The following MAST4 variants were observed in gnomAD, a reference collection of about 807,000 sequenced individuals.
MAST4 encodes the protein microtubule-associated serine/threonine-protein kinase 4.
A neutral mutation model predicts 162.7 loss-of-function variants in MAST4; 89 were observed. That is an observed-to-expected ratio of 0.55 (90% CI 0.46 to 0.65). The LOEUF (loss-of-function observed/expected upper bound fraction) is 0.65. Ranked by LOEUF, MAST4 falls within the 30% of genes least tolerant of loss-of-function variation. MAST4 has a pLI of 0.00. For synonymous variants in MAST4, 1,479 were observed against 1,361.1 expected, an observed-to-expected ratio of 1.09 and a Z score of -1.91; for missense variants, 3,153 against 3,374.0, an observed-to-expected ratio of 0.93 and a Z score of 1.62.
intron 4 of MAST4, among the ~76,000 whole-genome samples, chr5:66,998,799 C>A (rs1581149809): frequency 6.6e-6 from 1 of 152,284 alleles, no homozygotes; most frequent in Non-Finnish European, 1.5e-5. Flanking sequence ...CTAATAGGGA[C>A]TGATAATGTG....
chr5:66,885,443 G>A (rs545058455), intron 3 of MAST4, among the ~76,000 whole-genome samples: 7 of 152,302 alleles, frequency 4.6e-5, no homozygotes, highest in African/African-American at 1.7e-4. Context: ...TTTTTCTCCT[G>A]TAATGTAATG....
At chr5:66,775,037 A>G (rs2591854) in intron 2 of MAST4, among the ~76,000 whole-genome samples, 2,403 of 73,858 alleles carry the variant, frequency 0.033, 87 homozygotes, top group East Asian at 0.3. Context: ...GTGTGTGTGT[A>G]TGTGTGTGTT....
Position 67,144,651 on chromosome 5 carries a change from C to T in MAST4, c.2731-18C>T. 1 of 1,611,016 alleles carries T rather than the reference C, an allele frequency of 6.2e-7. No individual in the cohort carries two copies. The highest frequency in any genetic ancestry group is 8.5e-7 in the Non-Finnish European group (1 of 1,178,722). On this transcript the variant is annotated intron_variant, in intron 21 of 28. Transcript: ENST00000403625. ...CTTTTTAGTAGATATTAATAAGCAC[C>T]AATTATTTGCCTTCCAGGTTTTCAG...
At chr5:66,656,286 ATGT>A (rs1580119274) in intron 1 of MAST4, among the ~76,000 whole-genome samples, 1 of 152,194 alleles carries the variant, frequency 6.6e-6, no homozygotes, top group East Asian at 1.9e-4. Context: ...AATAATATAA[ATGT>A]TGTCTCCACA....
chr5:66,659,106 G>T (rs938502918), intron 1 of MAST4, among the ~76,000 whole-genome samples: 2 of 152,152 alleles, frequency 1.3e-5, no homozygotes, highest in African/African-American at 4.8e-5. Context: ...GCCATGGATG[G>T]CATGTTGATG....
At chr5:66,926,060 G>C (rs1467661733) in intron 4 of MAST4, among the ~76,000 whole-genome samples, 1 of 151,770 alleles carries the variant, frequency 6.6e-6, no homozygotes, top group Admixed American at 6.6e-5. Flanking sequence ...CATCCATTTG[G>C]GCTTTTTGTC....
At chr5:67,157,452 C>G (rs4699894) in intron 26 of MAST4, among the ~76,000 whole-genome samples, 1 of 152,208 alleles carries the variant, frequency 6.6e-6, no homozygotes, top group Non-Finnish European at 1.5e-5. Context: ...TCACTGTTTT[C>G]TGATGATAAG....
chr5:66,937,424 G>T (rs1742869521), intron 4 of MAST4, among the ~76,000 whole-genome samples: 1 of 152,100 alleles, frequency 6.6e-6, no homozygotes, highest in Admixed American at 6.6e-5. Context: ...AAATGTTAAT[G>T]GTGTAATGGA....
At chr5:66,695,651 A>C (rs538469247) in intron 1 of MAST4, among the ~76,000 whole-genome samples, 27 of 152,310 alleles carry the variant, frequency 1.8e-4, no homozygotes, top group African/African-American at 5.8e-4. Context: ...TACAACAATG[A>C]GATACCATCT....
At chr5:66,661,758 C>T (rs1746926020) in intron 1 of MAST4, among the ~76,000 whole-genome samples, 1 of 152,058 alleles carries the variant, frequency 6.6e-6, no homozygotes, top group Non-Finnish European at 1.5e-5. Context: ...CTGTATTTGC[C>T]CTTCATAAGT....
chr5:66,824,837 CTAAACATAG>C (rs1409485597), intron 3 of MAST4, among the ~76,000 whole-genome samples: 1 of 152,062 alleles, frequency 6.6e-6, no homozygotes, highest in East Asian at 1.9e-4. Flanking sequence ...ATTTGTGTAT[CTAAACATAG>C]AAAACATACC....
intron 3 of MAST4, among the ~76,000 whole-genome samples, chr5:66,810,067 T>C (rs1009636540): frequency 6.6e-6 from 1 of 152,176 alleles, no homozygotes; most frequent in African/African-American, 2.4e-5. Flanking sequence ...GTCTGACCAG[T>C]CCCTGGGGGG....
At chr5:66,983,027 T>C (rs958997800) in intron 4 of MAST4, among the ~76,000 whole-genome samples, 13 of 152,198 alleles carry the variant, frequency 8.5e-5, no homozygotes, top group African/African-American at 2.2e-4. Context: ...TTATATAGGA[T>C]TTTTATTTAG....
chr5:67,164,634 G>A lies in MAST4; in HGVS notation c.5455G>A (p.Glu1819Lys). Residue 1819 changes from glutamate to lysine, a missense_variant, in exon 29 of 29, where the codon GAA becomes AAA. By Grantham distance (56) the Glu-to-Lys change is moderately conservative (BLOSUM62 1). Transcript: ENST00000403625. This position sits in a 1 kb window ranked among gnomAD's most constrained non-coding sequence, Gnocchi z 5.3. Reference protein sequence around the residue: ...LLSGPQASKTELPSPESAQSP... With the variant: ...LLSGPQASKTKLPSPESAQSP... ...GTCCGGACCTCAGGCCTCCAAGACA[G>A]AACTGCCTTCCCCAGAGTCTGCACA... is the stretch of plus-strand genomic sequence containing the variant. 1 of 1,614,018 alleles carries A rather than the reference G, an allele frequency of 6.2e-7. No individual in the cohort carries two copies.
Position 66,597,839 on chromosome 5 carries a change from C to T in MAST4, c.363+821C>T, listed in dbSNP as rs117968212. Among the ~76,000 whole-genome samples the T allele has an allele frequency of 6.2e-3, 942 of 151,994 alleles. 45 individuals carry two copies. The East Asian group carries it at 0.09, about 14-fold the overall frequency. On this transcript the variant is annotated intron_variant, in intron 1 of 28. Coordinates refer to ENST00000403625, the MANE Select transcript of MAST4 (RefSeq NM_001164664.2). Reference sequence around the variant, plus strand: ...GCTGCTCTGTCCGGCTTATTTTCTGCTTTTGGAGGACAGTTAAAGAAGTGT... The same window carrying T: ...GCTGCTCTGTCCGGCTTATTTTCTGTTTTTGGAGGACAGTTAAAGAAGTGT...
chr5:66,822,292 C>T (rs1757033015), intron 3 of MAST4, among the ~76,000 whole-genome samples: 1 of 152,092 alleles, frequency 6.6e-6, no homozygotes, highest in Admixed American at 6.6e-5. Context: ...TGCCCTGAGT[C>T]ATTTCACCTA....
rs980942543 is a variant in MAST4 at position 67,119,283 on chromosome 5, A to G, written c.1659+534A>G. ...CACACTGACTGCAGTGCAGAAAGCA[A>G]TGGGCTGGGAGGAGGAGGGAAGGGT... On this transcript the variant is annotated intron_variant, in intron 13 of 28. Transcript: ENST00000403625. Among the ~76,000 whole-genome samples, 8 of 152,088 alleles carry G rather than the reference A, an allele frequency of 5.3e-5. No homozygotes were observed. In the South Asian group the frequency reaches 1.0e-3, roughly 20 times the overall value.
chr5:67,016,171 G>T (rs1753266955), intron 4 of MAST4, among the ~76,000 whole-genome samples: 1 of 152,110 alleles, frequency 6.6e-6, no homozygotes, highest in Non-Finnish European at 1.5e-5. Flanking sequence ...GATATCTGTG[G>T]AGACAGTTTG....
chr5:66,682,252 T>A (rs886818465), intron 1 of MAST4, among the ~76,000 whole-genome samples: 2 of 152,158 alleles, frequency 1.3e-5, no homozygotes, highest in Non-Finnish European at 2.9e-5. Flanking sequence ...CTTTGAGTGG[T>A]TGGTGCCTGA....
Sources: allele counts gnomAD v4.1 joint callset (sites outside exome capture counted in the v4.1 genomes callset), GRCh38; gene constraint gnomAD v4.1.1; non-coding constraint Gnocchi (gnomAD v3.1); transcripts MANE v1.5; gene names NCBI Gene and HGNC (gene_info 2026-07-23, HGNC 2026-07-21).